Variants in VPS13A observed in about 807,000 individuals in gnomAD.
VPS13A encodes intermembrane lipid transfer protein VPS13A.
In VPS13A, 264 loss-of-function variants were observed where a neutral mutation model predicts 390.9. The ratio of observed to expected loss-of-function variants is 0.68; its 90% CI spans 0.61 to 0.75. The LOEUF is 0.75. VPS13A is among the 30% of genes least tolerant of loss of function. The pLI is 0.00. For missense variants in VPS13A, 3,409 were observed against 3,733.9 expected (o/e 0.91, Z 2.27); for synonymous variants, 1,231 against 1,227.1 (o/e 1.00, Z -0.07).
intron 68 of VPS13A, among the ~76,000 whole-genome samples, chr9:77,394,231 ATTT>A (rs36047906): frequency 2.1e-5 from 3 of 140,538 alleles, no homozygotes; most frequent in Non-Finnish European, 4.6e-5. Flanking sequence ...CATCTGGCTA[ATTT>A]TTTTTTTTTT....
chr9:77,277,305 A>G (rs1361919981), intron 26 of VPS13A, among the ~76,000 whole-genome samples: 1 of 152,170 alleles, frequency 6.6e-6, no homozygotes, highest in Non-Finnish European at 1.5e-5. Flanking sequence ...TCATGGGACA[A>G]TTGAGCAGAA....
At chr9:77,182,719 C>T (rs927090527) in intron 1 of VPS13A, among the ~76,000 whole-genome samples, 1 of 152,122 alleles carries the variant, frequency 6.6e-6, no homozygotes, top group Admixed American at 6.5e-5. Context: ...ATTTTGTTTT[C>T]TCCGAAATCA....
chr9:77,259,037 G>A (rs1825611150), intron 22 of VPS13A, among the ~76,000 whole-genome samples: 1 of 152,032 alleles, frequency 6.6e-6, no homozygotes, highest in Non-Finnish European at 1.5e-5. Context: ...GATTATAAGG[G>A]TACAGGGCAG....
rs567108172 is a variant in VPS13A at position 77,226,263 on chromosome 9, A to G, written c.1225-203A>G. On this transcript the variant is annotated intron_variant, in intron 14 of 71. Transcript: ENST00000360280. ...TATTTTTTTTCAATCATCATTTCTT[A>G]TAAGATGGTGGAAAAACTATGTGGT... Among the ~76,000 whole-genome samples, 190 of 152,232 alleles carry G rather than the reference A, an allele frequency of 1.2e-3. 1 individual carries two copies. The highest frequency in any genetic ancestry group is 4.2e-3 in the African/African-American group (176 of 41,564).
At chr9:77,361,794 A>G (rs1256392034) in intron 59 of VPS13A, among the ~76,000 whole-genome samples, 1 of 151,994 alleles carries the variant, frequency 6.6e-6, no homozygotes, top group Non-Finnish European at 1.5e-5. Context: ...ATTTTTCCAT[A>G]TTATCCCCAA....
At chr9:77,216,774 C>T (rs1186484316) in intron 10 of VPS13A, among the ~76,000 whole-genome samples, 3 of 152,148 alleles carry the variant, frequency 2.0e-5, no homozygotes, top group Non-Finnish European at 2.9e-5. Context: ...CATCTGCAAG[C>T]TGAGGAGCAA....
Position 77,230,399 on chromosome 9 carries a change from TTAGTGTG to T in VPS13A, c.1595+2137_1595+2143del, listed in dbSNP as rs547032974. Among the ~76,000 whole-genome samples, 220 of 152,214 alleles carry T rather than the reference TTAGTGTG, an allele frequency of 1.4e-3. 1 individual carries two copies. The highest frequency in any genetic ancestry group is 5.1e-3 in the African/African-American group (213 of 41,578). On this transcript the variant is annotated intron_variant, in intron 17 of 71. Coordinates refer to ENST00000360280, the MANE Select transcript of VPS13A (RefSeq NM_033305.3). ...GGTTAGAATCCATTTTGAGTTAATG[TTAGTGTG>T]TGGTGTGAGGTGGGGGATTCAGCTT...
At chr9:77,336,790 C>CT (rs1346310585) in intron 46 of VPS13A, among the ~76,000 whole-genome samples, 1 of 145,200 alleles carries the variant, frequency 6.9e-6, no homozygotes, top group African/African-American at 2.5e-5. Flanking sequence ...AAGATGATAT[C>CT]TATTTATCTA....
chr9:77,298,673 A>G (rs1486002728), intron 33 of VPS13A, among the ~76,000 whole-genome samples: 1 of 152,118 alleles, frequency 6.6e-6, no homozygotes. Flanking sequence ...TTGATGGATA[A>G]TAGAGAGGTG....
At chr9:77,393,738 ACTTTAAGTAATT>A (rs1431285946) in intron 68 of VPS13A, among the ~76,000 whole-genome samples, 2 of 152,074 alleles carry the variant, frequency 1.3e-5, no homozygotes, top group African/African-American at 2.4e-5. Flanking sequence ...TATTTAGTAA[ACTTTAAGTAATT>A]CTTAAGGACT....
At chr9:77,281,564 G>A (rs1827026568) in intron 27 of VPS13A, among the ~76,000 whole-genome samples, 2 of 152,126 alleles carry the variant, frequency 1.3e-5, no homozygotes, top group South Asian at 2.1e-4. Flanking sequence ...GTTGATGACC[G>A]AATGATTATT....
intron 68 of VPS13A, among the ~76,000 whole-genome samples, chr9:77,387,676 ATAT>A (rs1307710627): frequency 4.6e-5 from 7 of 152,214 alleles, no homozygotes; most frequent in Middle Eastern, 3.2e-3. Flanking sequence ...ATTCAGAATA[ATAT>A]TGCCAATTTT....
chr9:77,279,575 C>T (rs575265068), intron 26 of VPS13A, among the ~76,000 whole-genome samples: 19 of 152,172 alleles, frequency 1.2e-4, no homozygotes, highest in African/African-American at 4.3e-4. Flanking sequence ...CGTTTAGGGC[C>T]TCCAGTTTTT....
chr9:77,182,256 G>A (rs1824067444), intron 1 of VPS13A, among the ~76,000 whole-genome samples: 1 of 152,054 alleles, frequency 6.6e-6, no homozygotes, highest in Non-Finnish European at 1.5e-5. Context: ...ATCATGCATG[G>A]CTAATTTTTG....
At chr9:77,305,948 AG>A (rs2131403304) in intron 34 of VPS13A, among the ~76,000 whole-genome samples, 1 of 152,324 alleles carries the variant, frequency 6.6e-6, no homozygotes, top group African/African-American at 2.4e-5. Flanking sequence ...GCAAAAGTGA[AG>A]GAAGAGTGCC....
chr9:77,218,644 CTTT>C (rs200685101), intron 10 of VPS13A, among the ~76,000 whole-genome samples: 3 of 132,086 alleles, frequency 2.3e-5, no homozygotes, highest in Non-Finnish European at 1.6e-5. Flanking sequence ...AGAACATTGC[CTTT>C]TTTTTTTTTT....
chr9:77,257,002 A>G (rs755590170), intron 22 of VPS13A, among the ~76,000 whole-genome samples: 7 of 152,142 alleles, frequency 4.6e-5, no homozygotes, highest in Non-Finnish European at 8.8e-5. Context: ...AAGTAAATAC[A>G]GATGGGGAGG....
At chr9:77,196,730 TC>T (rs1196192326) in intron 1 of VPS13A, among the ~76,000 whole-genome samples, 1 of 152,124 alleles carries the variant, frequency 6.6e-6, no homozygotes, top group Non-Finnish European at 1.5e-5. Context: ...TACCACATTT[TC>T]TTTAGCAGTG....
chr9:77,203,844 C>A (rs1825476812), intron 3 of VPS13A, among the ~76,000 whole-genome samples: 1 of 152,012 alleles, frequency 6.6e-6, no homozygotes, highest in South Asian at 2.1e-4. Flanking sequence ...TTGAAATGAT[C>A]CCCATGTTCT....
Sources: allele counts gnomAD v4.1 joint callset (sites outside exome capture counted in the v4.1 genomes callset), GRCh38; gene constraint gnomAD v4.1.1; transcripts MANE v1.5; gene names NCBI Gene and HGNC (gene_info 2026-07-23, HGNC 2026-07-21).